Variants in STXBP3 observed in about 807,000 individuals in gnomAD.
The protein encoded by STXBP3 is syntaxin-binding protein 3.
In STXBP3, 41 loss-of-function variants were observed where a neutral mutation model predicts 85.7. The observed-to-expected ratio is 0.48, with a 90% CI of 0.37 to 0.62. The LOEUF (loss-of-function observed/expected upper bound fraction) is 0.62. Among genes scored for constraint, STXBP3 ranks in the 20% least tolerant of loss-of-function variants. STXBP3 has a pLI of 0.00. For synonymous variants in STXBP3, 229 were observed against 231.7 expected (o/e 0.99, Z 0.10); for missense variants, 563 against 703.1 (o/e 0.80, Z 2.25).
At position 108,752,206 on chromosome 1, in the gene STXBP3, C is replaced by T; in HGVS notation, c.50-51C>T. The stretch of plus-strand genomic sequence containing the variant: ...TAGCCATTTTGGACCCTTTGGATTA[C>T]TATGTTTCTGTTTATTTAATTCCTA... On this transcript the variant is annotated intron_variant, in intron 1 of 18. Transcript: ENST00000370008. 4 of 1,548,720 alleles carry T rather than the reference C, an allele frequency of 2.6e-6. No homozygotes were observed. In the Admixed American group the frequency reaches 5.5e-5, roughly 21 times the overall value.
intron 17 of STXBP3, among the ~76,000 whole-genome samples, chr1:108,802,276 A>G (rs1251210744): frequency 6.6e-6 from 1 of 152,092 alleles, no homozygotes; most frequent in African/African-American, 2.4e-5. Context: ...ACACTCCTGT[A>G]ATCCCAGCTA....
At chr1:108,752,328 C>G in intron 2 of STXBP3, 22 bp downstream of exon 2, 1 of 1,606,342 alleles carries the variant, frequency 6.2e-7, no homozygotes, top group South Asian at 1.1e-5. Context: ...ATACCTTGCT[C>G]TTATAAAAAA....
At chr1:108,807,824 G>T (rs775847113) in intron 18 of STXBP3, among the ~76,000 whole-genome samples, 84 of 151,946 alleles carry the variant, frequency 5.5e-4, no homozygotes, top group Non-Finnish European at 9.9e-4. Flanking sequence ...TGATCCGCCC[G>T]CCTCGGCCTC....
At chr1:108,787,476 A>G (rs1662857640) in intron 11 of STXBP3, among the ~76,000 whole-genome samples, 1 of 152,134 alleles carries the variant, frequency 6.6e-6, no homozygotes, top group African/African-American at 2.4e-5. Flanking sequence ...AGGCTGCAAA[A>G]AGCCTAAAAC....
Position 108,800,239 on chromosome 1 carries a change from T to G in STXBP3, c.1469T>G (p.Leu490Ter). 6.2e-7 allele frequency: 1 copy of G among 1,610,998 alleles called. No individual in the cohort carries two copies. Among genetic ancestry groups the G allele is most frequent in the Non-Finnish European group, 8.5e-7 (1 of 1,177,334 alleles). ...DIMEDAIDNR[L>*]DSKEWPYCSQ... ...CCTTAGGATGCTATTGATAATAGAT[T>G]AGATTCAAAAGAATGGCCATATTGT... Residue 490 changes from leucine to a stop codon, truncating the protein, a stop_gained, in exon 17 of 19, where the codon TTA becomes TGA. Transcript: ENST00000370008. LOFTEE classifies it high-confidence loss of function.
chr1:108,779,173 T>G, intron 8 of STXBP3, 113 bp from the exon 9 acceptor site: 1 of 1,115,532 alleles, frequency 9.0e-7, no homozygotes. Context: ...ATGTTTTTGG[T>G]GGGGAAAAGG....
chr1:108,748,521 CTAAA>C (rs1437473852), intron 1 of STXBP3, among the ~76,000 whole-genome samples: 6 of 151,630 alleles, frequency 4.0e-5, no homozygotes, highest in East Asian at 1.9e-4. Flanking sequence ...GACCCTGAGT[CTAAA>C]TAAATAAATA....
At chr1:108,778,549 C>T (rs1662638760) in intron 8 of STXBP3, among the ~76,000 whole-genome samples, 2 of 152,136 alleles carry the variant, frequency 1.3e-5, no homozygotes, top group Non-Finnish European at 2.9e-5. Context: ...TCATTTCAGA[C>T]CGCAATGCCC....
intron 14 of STXBP3, 53 bp from the exon 15 acceptor site, chr1:108,796,567 A>G: frequency 2.0e-6 from 3 of 1,526,658 alleles, no homozygotes; most frequent in Non-Finnish European, 2.7e-6. Context: ...AAGCCTTGAA[A>G]TTATTTTGGT....
intron 11 of STXBP3, among the ~76,000 whole-genome samples, chr1:108,783,510 G>T (rs542508064): frequency 6.6e-6 from 1 of 151,974 alleles, no homozygotes; most frequent in African/African-American, 2.4e-5. Context: ...TTTCATTTGT[G>T]TATAGTAGTA....
chr1:108,779,478 T>A, intron 9 of STXBP3, 68 bp downstream of exon 9: 2 of 1,451,530 alleles, frequency 1.4e-6, no homozygotes, highest in East Asian at 2.4e-5. Context: ...ATTTAATGAT[T>A]TATATAGGCA....
chr1:108,753,265 A>G (rs964484584), intron 3 of STXBP3, 121 bp downstream of exon 3: 11 of 592,828 alleles, frequency 1.9e-5, no homozygotes, highest in African/African-American at 1.7e-4. Flanking sequence ...TGTAGCCATA[A>G]CTATTAGATT....
At chr1:108,770,344 T>C (rs1428261097) in intron 6 of STXBP3, among the ~76,000 whole-genome samples, 1 of 152,026 alleles carries the variant, frequency 6.6e-6, no homozygotes, top group African/African-American at 2.4e-5. Flanking sequence ...CTAAACCTGG[T>C]ATCAGTGAGT....
chr1:108,764,758 C>T (rs1759484), intron 6 of STXBP3, among the ~76,000 whole-genome samples: 4,802 of 152,000 alleles, frequency 0.032, 236 homozygotes, highest in African/African-American at 0.11. Context: ...ATTTAAGTTC[C>T]TTATAGATGC....
intron 15 of STXBP3, among the ~76,000 whole-genome samples, chr1:108,797,608 C>T (rs895316957): frequency 3.3e-5 from 5 of 151,912 alleles, no homozygotes; most frequent in East Asian, 1.9e-4. Context: ...GGGTTTCACT[C>T]TGTCGGCCAG....
At chr1:108,772,618 T>A (rs775051606) in intron 6 of STXBP3, 47 bp from the exon 7 acceptor site, 92 of 1,201,756 alleles carry the variant, frequency 7.7e-5, no homozygotes, top group Middle Eastern at 7.2e-4. Flanking sequence ...ATATTTTTTT[T>A]AAATCAGGTC....
chr1:108,759,080 A>C (rs936833116), intron 5 of STXBP3: 1 of 152,232 alleles, frequency 6.6e-6, no homozygotes, highest in Non-Finnish European at 1.5e-5. Flanking sequence ...ATCACATAGA[A>C]AACTGGTAAC....
intron 5 of STXBP3, among the ~76,000 whole-genome samples, chr1:108,759,777 A>G (rs1662095700): frequency 6.6e-6 from 1 of 152,172 alleles, no homozygotes; most frequent in Non-Finnish European, 1.5e-5. Context: ...GGTGGATGTG[A>G]ATGGGAAAGA....
chr1:108,792,195 G>A (rs1255290506), intron 11 of STXBP3, among the ~76,000 whole-genome samples: 1 of 152,090 alleles, frequency 6.6e-6, no homozygotes, highest in Non-Finnish European at 1.5e-5. Flanking sequence ...TGGATTTTTA[G>A]AAAATAAATT....
Sources: allele counts gnomAD v4.1 joint callset (sites outside exome capture counted in the v4.1 genomes callset), GRCh38; gene constraint gnomAD v4.1.1; transcripts MANE v1.5; gene names NCBI Gene and HGNC (gene_info 2026-07-23, HGNC 2026-07-21).